The following GAPVD1 variants were observed in gnomAD, a reference collection of about 807,000 sequenced individuals.
GAPVD1 encodes GTPase activating protein and VPS9 domains 1.
GAPVD1 carries 35 observed loss-of-function variants against 155.5 expected under a neutral mutation model. That is an observed-to-expected ratio of 0.23 (90% CI 0.17 to 0.30). GAPVD1 has a LOEUF of 0.30. GAPVD1 is among the 10% of genes least tolerant of loss of function. The probability of loss-of-function intolerance (pLI) is 1.00; values close to 1 mark genes in which losing one functional copy is unlikely to be tolerated. For synonymous variants in GAPVD1, 636 were observed against 619.7 expected (o/e 1.03, Z -0.39); for missense variants, 1,429 against 1,775.7 (o/e 0.80, Z 3.51).
At chr9:125,350,443 A>G in intron 22 of GAPVD1, 39 bp downstream of exon 22, 2 of 1,280,940 alleles carry the variant, frequency 1.6e-6, no homozygotes, top group East Asian at 2.3e-5. Flanking sequence ...TCCTATGTTT[A>G]TGGGTTGCAC....
At chr9:125,319,615 T>G (rs1264817414) in intron 9 of GAPVD1, among the ~76,000 whole-genome samples, 2 of 149,944 alleles carry the variant, frequency 1.3e-5, no homozygotes, top group African/African-American at 2.4e-5. Context: ...TTTTTTTTTT[T>G]TTTTGAGATG....
Position 125,264,193 on chromosome 9 carries a change from C to CTTTTG in GAPVD1, c.-199+2250_-199+2254dup, listed in dbSNP as rs988034153. 2.2e-4 allele frequency: 137 copies of CTTTTG among 625,540 alleles called. 2 individuals carry two copies. Among genetic ancestry groups the CTTTTG allele is most frequent in the South Asian group, 1.9e-3 (107 of 54,942 alleles). The allele number at this position is 625,540 out of a possible 1,614,324, so 38.7% of individuals were successfully genotyped here. A position where few individuals can be genotyped will look rare whatever the true frequency, so the allele number is the denominator to read the frequency against. ...AAAATTTGGATGGGATCAGGGTAGT[C>CTTTTG]TTTTGTTTTGTTTTGTTTTGAGACG... On this transcript the variant is annotated intron_variant, in intron 1 of 27. Coordinates refer to ENST00000297933, the MANE Select transcript of GAPVD1 (RefSeq NM_001282680.3).
chr9:125,269,229 G>A (rs1834477789), intron 2 of GAPVD1, among the ~76,000 whole-genome samples: 1 of 151,906 alleles, frequency 6.6e-6, no homozygotes, highest in Non-Finnish European at 1.5e-5. Flanking sequence ...TTGCCCAGCT[G>A]AGTCCTTCTT....
Position 125,337,583 on chromosome 9 carries a change from A to G in GAPVD1, c.2869A>G (p.Arg957Gly). Residue 957 changes from arginine (R) to glycine (G), a missense_variant, in exon 17 of 28, where the codon AGA becomes GGA. Around this residue, in one of 4 missense-constraint regions of GAPVD1, gnomAD observed 699 missense variants for 826.0 expected, o/e 0.85. Coordinates refer to ENST00000297933, the MANE Select transcript of GAPVD1 (RefSeq NM_001282680.3). ...TTCATCCCCGAGTAAGGACTCCTCAAGAGGAGAGGTATGGGACATAGGCCG... is the reference window on the plus strand; with the variant it reads ...TTCATCCCCGAGTAAGGACTCCTCAGGAGGAGAGGTATGGGACATAGGCCG... ...SSSSPSKDSS[R>G]GETEERKDSD... 1 of 1,613,484 alleles carries G rather than the reference A, an allele frequency of 6.2e-7. No homozygotes were observed. Among genetic ancestry groups the G allele is most frequent in the Non-Finnish European group, 8.5e-7 (1 of 1,179,658 alleles).
At chr9:125,317,395 G>A (rs1180357718) in intron 9 of GAPVD1, among the ~76,000 whole-genome samples, 1 of 151,774 alleles carries the variant, frequency 6.6e-6, no homozygotes, top group Non-Finnish European at 1.5e-5. Context: ...GGAGGCTGAG[G>A]TGGGTGGATC....
chr9:125,273,367 C>A lies in GAPVD1; in HGVS notation c.-150+4383C>A, dbSNP rs142976246. The stretch of plus-strand genomic sequence containing the variant: ...TCTTATTTTGAAGTTTAGTACTATG[C>A]CCTTTTTGTGGCACTTAAAAATTTT... On this transcript the variant is annotated intron_variant, in intron 2 of 27. Transcript: ENST00000297933. Among the ~76,000 whole-genome samples, 53 of 152,086 alleles carry A rather than the reference C, an allele frequency of 3.5e-4. 1 individual carries two copies. In the East Asian group the frequency reaches 0.01, roughly 29 times the overall value.
intron 11 of GAPVD1, 62 bp from the exon 12 acceptor site, chr9:125,326,354 A>C: frequency 8.5e-7 from 1 of 1,171,386 alleles, no homozygotes; most frequent in Non-Finnish European, 1.3e-6. Context: ...AATTCTTTAA[A>C]GTTGATTAAA....
At chr9:125,270,169 C>T (rs1162688467) in intron 2 of GAPVD1, among the ~76,000 whole-genome samples, 1 of 152,116 alleles carries the variant, frequency 6.6e-6, no homozygotes. Context: ...TGGCTCATGC[C>T]TGTAATCCTA....
At chr9:125,343,183 A>G (rs1333005247) in intron 19 of GAPVD1, among the ~76,000 whole-genome samples, 2 of 151,594 alleles carry the variant, frequency 1.3e-5, no homozygotes, top group African/African-American at 4.8e-5. Flanking sequence ...TATGAGATTT[A>G]TGCAGGAACC....
rs191101871 is a variant in GAPVD1 at position 125,278,592 on chromosome 9, T to A, written c.-150+9608T>A. Among the ~76,000 whole-genome samples the A allele has an allele frequency of 2.8e-3, 433 of 152,046 alleles. 3 individuals are homozygous for A. Among genetic ancestry groups the A allele is most frequent in the African/African-American group, 0.01 (416 of 41,458 alleles). On this transcript the variant is annotated intron_variant, in intron 2 of 27. Coordinates refer to ENST00000297933, the MANE Select transcript of GAPVD1 (RefSeq NM_001282680.3). Reference sequence around the variant, plus strand: ...GTTCATGCCTGTAATCCCAGCACTTTGGGAGGCCGAGGCAGAAAGATTGCT... The same window carrying A: ...GTTCATGCCTGTAATCCCAGCACTTAGGGAGGCCGAGGCAGAAAGATTGCT...
intron 9 of GAPVD1, among the ~76,000 whole-genome samples, chr9:125,315,083 T>G (rs1055152981): frequency 1.7e-4 from 26 of 152,164 alleles, no homozygotes; most frequent in African/African-American, 6.0e-4. Context: ...CATCGTGCCC[T>G]GCCAGTAGCA....
intron 22 of GAPVD1, 33 bp downstream of exon 22, chr9:125,350,437 A>T: frequency 7.5e-7 from 1 of 1,335,806 alleles, no homozygotes; most frequent in Non-Finnish European, 1.1e-6. Flanking sequence ...AATTTTTCCT[A>T]TGTTTATGGG....
chr9:125,335,133 T>C, intron 15 of GAPVD1: 1 of 739,184 alleles, frequency 1.4e-6, no homozygotes, highest in Non-Finnish European at 2.5e-6. Flanking sequence ...GCTACTAACA[T>C]ATTGTTCCTT....
chr9:125,355,215 G>GGGATT (rs6151177), intron 24 of GAPVD1, among the ~76,000 whole-genome samples: 1 of 151,878 alleles, frequency 6.6e-6, no homozygotes, highest in African/African-American at 2.4e-5. Flanking sequence ...CTCCCTGGTA[G>GGGATT]CTGCCTCAGC....
intron 2 of GAPVD1, among the ~76,000 whole-genome samples, chr9:125,273,277 G>T (rs1385831499): frequency 1.3e-5 from 2 of 152,126 alleles, no homozygotes. Context: ...GGAAATAATG[G>T]GGTATAATTT....
At chr9:125,329,881 C>T (rs1845838428) in intron 12 of GAPVD1, among the ~76,000 whole-genome samples, 197 bp from the exon 13 acceptor site, 1 of 152,160 alleles carries the variant, frequency 6.6e-6, no homozygotes, top group African/African-American at 2.4e-5. Context: ...GGGGTTTCGC[C>T]ATGTTGGCCA....
chr9:125,351,704 T>G (rs1849309616), intron 23 of GAPVD1, among the ~76,000 whole-genome samples: 1 of 151,416 alleles, frequency 6.6e-6, no homozygotes, highest in East Asian at 1.9e-4. Flanking sequence ...CACATCCAGG[T>G]CACGCTGATG....
intron 9 of GAPVD1, among the ~76,000 whole-genome samples, chr9:125,313,465 G>A (rs544746387): frequency 4.0e-5 from 6 of 151,798 alleles, no homozygotes; most frequent in African/African-American, 9.7e-5. Flanking sequence ...CACCACGCTC[G>A]GCTAATTTTT....
intron 2 of GAPVD1, among the ~76,000 whole-genome samples, chr9:125,289,146 A>G (rs1442602854): frequency 6.6e-6 from 1 of 152,176 alleles, no homozygotes; most frequent in East Asian, 1.9e-4. Context: ...TTTTACTCCC[A>G]ATAGAGTCCA....
Sources: allele counts gnomAD v4.1 joint callset (sites outside exome capture counted in the v4.1 genomes callset), GRCh38; gene constraint gnomAD v4.1.1; regional missense constraint gnomAD v4.1.1; transcripts MANE v1.5; gene names NCBI Gene and HGNC (gene_info 2026-07-23, HGNC 2026-07-21).